ZBTB20: variants seen among roughly 807,000 people sequenced by gnomAD.
ZBTB20 encodes the protein zinc finger and BTB domain-containing protein 20.
ZBTB20 carries 9 observed loss-of-function variants against 56.9 expected under a neutral mutation model. The ratio of observed to expected loss-of-function variants is 0.16; its 90% CI spans 0.10 to 0.28. The LOEUF (loss-of-function observed/expected upper bound fraction) is 0.28, where lower values mean the gene tolerates loss of function less well. ZBTB20 is among the 10% of genes least tolerant of loss of function. ZBTB20 has a pLI of 1.00. For missense variants in ZBTB20, 655 were observed against 1,003.0 expected (o/e 0.65, Z 4.69); for synonymous variants, 417 against 420.7 (o/e 0.99, Z 0.11).
At chr3:114,458,931 T>C (rs991896247) in intron 7 of ZBTB20, among the ~76,000 whole-genome samples, 4 of 152,130 alleles carry the variant, frequency 2.6e-5, no homozygotes, top group African/African-American at 9.7e-5. Flanking sequence ...AAAAATATGC[T>C]TAAAACATGT....
At chr3:114,759,226 C>T (rs1324082260) in intron 5 of ZBTB20, 3 of 152,124 alleles carry the variant, frequency 2.0e-5, no homozygotes, top group Non-Finnish European at 4.4e-5. Flanking sequence ...TAATTCCTCA[C>T]ACTGGCCATT....
intron 6 of ZBTB20, among the ~76,000 whole-genome samples, chr3:114,592,506 C>A (rs2055874448): frequency 6.6e-6 from 1 of 152,128 alleles, no homozygotes. Context: ...TAGTGAGTTT[C>A]CTTTTGGCAG....
At chr3:114,716,517 C>T (rs1000579043) in intron 5 of ZBTB20, among the ~76,000 whole-genome samples, 1 of 152,154 alleles carries the variant, frequency 6.6e-6, no homozygotes, top group Non-Finnish European at 1.5e-5. Flanking sequence ...AGGGTCTACA[C>T]TAAGCAACAC....
chr3:114,443,423 T>A (rs2091055548), intron 7 of ZBTB20, among the ~76,000 whole-genome samples: 1 of 152,176 alleles, frequency 6.6e-6, no homozygotes, highest in Admixed American at 6.6e-5. Context: ...TGAAAAATCA[T>A]GTGGCTCTGA....
chr3:114,444,669 G>T (rs1342282868), intron 7 of ZBTB20, among the ~76,000 whole-genome samples: 1 of 152,098 alleles, frequency 6.6e-6, no homozygotes, highest in Non-Finnish European at 1.5e-5. Context: ...TTGGCAAAAT[G>T]AGTAGTTTAA....
intron 6 of ZBTB20, among the ~76,000 whole-genome samples, chr3:114,621,717 C>A (rs1021879609): frequency 3.9e-5 from 6 of 152,078 alleles, no homozygotes; most frequent in Non-Finnish European, 8.8e-5. Context: ...CAACATGCAT[C>A]CTCATTAATT....
chr3:114,685,467 G>C (rs572472514), intron 6 of ZBTB20, among the ~76,000 whole-genome samples: 2 of 152,288 alleles, frequency 1.3e-5, no homozygotes, highest in African/African-American at 4.8e-5. Flanking sequence ...AGCAGCCCTC[G>C]GCAGGTTTCA....
At chr3:114,954,219 T>C (rs887798223) in intron 3 of ZBTB20, among the ~76,000 whole-genome samples, 1 of 152,142 alleles carries the variant, frequency 6.6e-6, no homozygotes, top group African/African-American at 2.4e-5. Flanking sequence ...TTAAACCCCA[T>C]TTATCAATTC....
In ZBTB20 at chr3:114,884,089, C is replaced by T. The variant is rs1193193164; in HGVS notation, c.-417+16215G>A. On this transcript the variant is annotated intron_variant, in intron 4 of 11. Coordinates refer to ENST00000675478, the MANE Select transcript of ZBTB20 (RefSeq NM_001348800.3). ...TACAGGCGCCCGCCACTACGCCCGG[C>T]TAATTTTTTGTATTTTTAGTAGAGA... Among the ~76,000 whole-genome samples the T allele has an allele frequency of 2.0e-5, 3 of 150,056 alleles. No individual in the cohort carries two copies. The East Asian group carries it at 5.8e-4, about 29-fold the overall frequency.
chr3:114,853,955 C>A (rs2075124407), intron 4 of ZBTB20, among the ~76,000 whole-genome samples: 2 of 152,046 alleles, frequency 1.3e-5, no homozygotes, highest in East Asian at 3.8e-4. Flanking sequence ...TTCTAGTTAC[C>A]TGTTTAAGCA....
chr3:115,123,729 T>C (rs2084246304), intron 1 of ZBTB20, among the ~76,000 whole-genome samples: 1 of 152,222 alleles, frequency 6.6e-6, no homozygotes, highest in Non-Finnish European at 1.5e-5. Flanking sequence ...CACTTGTACA[T>C]ATTTCTCAAC....
chr3:114,894,244 C>T (rs765861856), intron 4 of ZBTB20, among the ~76,000 whole-genome samples: 2 of 152,176 alleles, frequency 1.3e-5, no homozygotes, highest in Non-Finnish European at 2.9e-5. Context: ...GGAGAAATAA[C>T]ATCTTCCTCA....
At chr3:114,755,345 A>G (rs565867759) in intron 5 of ZBTB20, among the ~76,000 whole-genome samples, 13 of 152,294 alleles carry the variant, frequency 8.5e-5, no homozygotes, top group African/African-American at 2.9e-4. Flanking sequence ...AGGGCGAGAA[A>G]TATTAAATTT....
At chr3:114,475,392 C>T (rs576760497) in intron 7 of ZBTB20, among the ~76,000 whole-genome samples, 64 of 152,222 alleles carry the variant, frequency 4.2e-4, no homozygotes, top group African/African-American at 1.4e-3. Context: ...GTCTCAGCTC[C>T]GTTGCTAGAT....
intron 6 of ZBTB20, among the ~76,000 whole-genome samples, chr3:114,589,872 A>C (rs1474588478): frequency 6.6e-6 from 1 of 152,152 alleles, no homozygotes; most frequent in Admixed American, 6.5e-5. Flanking sequence ...TATGTGTTTG[A>C]ATTGATGGTA....
chr3:114,787,377 A>ACACACACAC (rs1553821580), intron 5 of ZBTB20, among the ~76,000 whole-genome samples: 7 of 141,536 alleles, frequency 4.9e-5, no homozygotes, highest in Non-Finnish European at 7.8e-5. Flanking sequence ...ATACACACAC[A>ACACACACAC]CACACACACA....
At chr3:114,791,358 C>T (rs1448398671) in intron 5 of ZBTB20, among the ~76,000 whole-genome samples, 1 of 152,128 alleles carries the variant, frequency 6.6e-6, no homozygotes, top group East Asian at 1.9e-4. Context: ...TCCATGCAAA[C>T]TGTTTTTCTA....
chr3:114,946,451 A>T (rs1296639958), intron 3 of ZBTB20, among the ~76,000 whole-genome samples: 1 of 145,642 alleles, frequency 6.9e-6, no homozygotes, highest in African/African-American at 2.8e-5. Context: ...AGAAAGACAA[A>T]TATAAGCAGT....
At chr3:115,060,258 T>C (rs964327468) in intron 2 of ZBTB20, among the ~76,000 whole-genome samples, 4 of 152,224 alleles carry the variant, frequency 2.6e-5, no homozygotes, top group African/African-American at 9.6e-5. Context: ...TTTGACTTCA[T>C]ATTATCATGT....
Sources: gnomAD v4.1 joint callset for allele counts (sites outside exome capture counted in the v4.1 genomes callset) on GRCh38, gnomAD v4.1.1 for gene constraint, MANE v1.5 for transcripts, NCBI Gene and HGNC (gene_info 2026-07-23, HGNC 2026-07-21) for gene names.